Variants in SYT1 observed in about 807,000 individuals in gnomAD.
The protein encoded by SYT1 is synaptotagmin 1.
In SYT1, 8 loss-of-function variants were observed where a neutral mutation model predicts 44.8. The ratio of observed to expected loss-of-function variants is 0.18; its 90% confidence interval spans 0.10 to 0.32. The LOEUF is 0.32. SYT1 is among the 10% of genes least tolerant of loss of function. SYT1 has a pLI of 1.00. For synonymous variants in SYT1, 154 were observed against 188.8 expected, an observed-to-expected ratio of 0.82 and a Z score of 1.51; for missense variants, 286 against 509.3, an observed-to-expected ratio of 0.56 and a Z score of 4.22.
chr12:79,307,776 T>C (rs73351065), intron 8 of SYT1, among the ~76,000 whole-genome samples: 1,615 of 152,338 alleles, frequency 0.011, 31 homozygotes, highest in African/African-American at 0.037. Context: ...ACGGCATGTA[T>C]GACTTGCATG....
At position 78,932,377 on chromosome 12, in the gene SYT1, T is replaced by C. The variant is rs554905412; in HGVS notation, c.-216-45422T>C. Among the ~76,000 whole-genome samples, 3 of 152,304 alleles carry C rather than the reference T, an allele frequency of 2.0e-5. No homozygotes were observed. The East Asian group carries it at 5.8e-4, about 29-fold the overall frequency. On this transcript the variant is annotated intron_variant, in intron 1 of 10. Coordinates refer to ENST00000261205, the MANE Select transcript of SYT1 (RefSeq NM_005639.3). ...CATATAAGTGGGAAATATGTCACTA[T>C]CTTTTACTGGTTTCATAGGATTATA...
intron 3 of SYT1, among the ~76,000 whole-genome samples, chr12:79,078,890 T>C (rs917724611): frequency 2.6e-5 from 4 of 152,220 alleles, no homozygotes; most frequent in African/African-American, 9.6e-5. Flanking sequence ...TGGATACTTA[T>C]GATGTATGGT....
intron 8 of SYT1, among the ~76,000 whole-genome samples, chr12:79,346,635 A>G (rs1320867627): frequency 1.3e-5 from 2 of 152,218 alleles, no homozygotes; most frequent in Non-Finnish European, 2.9e-5. Context: ...TTTTGTTTCT[A>G]GTTTCATGAC....
intron 8 of SYT1, among the ~76,000 whole-genome samples, chr12:79,300,779 T>C (rs913579184): frequency 6.8e-4 from 71 of 105,122 alleles, no homozygotes; most frequent in African/African-American, 2.2e-3. Context: ...ATAATATTCA[T>C]GTATACTTAT....
intron 1 of SYT1, among the ~76,000 whole-genome samples, chr12:78,899,799 C>T (rs947975674): frequency 6.6e-6 from 1 of 151,836 alleles, no homozygotes; most frequent in Admixed American, 6.6e-5. Flanking sequence ...TACTTTTTAT[C>T]AAAACTTTGT....
intron 3 of SYT1, among the ~76,000 whole-genome samples, chr12:79,065,707 C>T (rs1479927977): frequency 5.3e-5 from 8 of 151,952 alleles, no homozygotes; most frequent in African/African-American, 1.7e-4. Flanking sequence ...GAAATCTGAC[C>T]AAAATGTGCT....
At chr12:78,957,647 TC>T (rs1395440729) in intron 1 of SYT1, among the ~76,000 whole-genome samples, 8 of 152,162 alleles carry the variant, frequency 5.3e-5, no homozygotes, top group African/African-American at 1.9e-4. Flanking sequence ...TCTTTGCATT[TC>T]TTTGGGAGTC....
At chr12:78,924,531 CTAAT>C (rs1877193223) in intron 1 of SYT1, among the ~76,000 whole-genome samples, 1 of 150,230 alleles carries the variant, frequency 6.7e-6, no homozygotes. Context: ...TTTTTTCCAC[CTAAT>C]TATTTATTTA....
At chr12:79,241,669 G>T (rs1876521744) in intron 4 of SYT1, among the ~76,000 whole-genome samples, 1 of 152,204 alleles carries the variant, frequency 6.6e-6, no homozygotes, top group African/African-American at 2.4e-5. Flanking sequence ...GAAAAAAAAT[G>T]TATCTGCATT....
At chr12:78,914,319 G>A (rs1728643398) in intron 1 of SYT1, among the ~76,000 whole-genome samples, 1 of 151,778 alleles carries the variant, frequency 6.6e-6, no homozygotes, top group Non-Finnish European at 1.5e-5. Context: ...TGAAGAGTGA[G>A]GTGCATAACT....
rs1049375128 is a variant in SYT1 at position 78,966,287 on chromosome 12, TTTG to T, written c.-216-11509_-216-11507del. Among the ~76,000 whole-genome samples the T allele has an allele frequency of 9.9e-5, 15 of 152,228 alleles. 1 individual carries two copies. The highest frequency in any genetic ancestry group is 3.1e-4 in the African/African-American group (13 of 41,554). ...TTGTATTATTTATTTATTGTATTTA[TTTG>T]TTATTATTTGAATCGTTTATTTGTC... On this transcript the variant is annotated intron_variant, in intron 1 of 10. Transcript: ENST00000261205.
chr12:79,365,649 A>G (rs1883509229), intron 9 of SYT1, among the ~76,000 whole-genome samples: 1 of 152,122 alleles, frequency 6.6e-6, no homozygotes, highest in African/African-American at 2.4e-5. Flanking sequence ...TAATGTTCCT[A>G]AAATTTACTT....
At chr12:79,386,030 C>CT (rs1884421533) in intron 9 of SYT1, among the ~76,000 whole-genome samples, 1 of 152,204 alleles carries the variant, frequency 6.6e-6, no homozygotes, top group Non-Finnish European at 1.5e-5. Context: ...GCTGCAGTCT[C>CT]TAATACTGCT....
intron 9 of SYT1, among the ~76,000 whole-genome samples, chr12:79,384,292 G>C (rs1884339779): frequency 6.6e-6 from 1 of 151,842 alleles, no homozygotes; most frequent in Admixed American, 6.6e-5. Context: ...TGTGTAAAAG[G>C]CTTTATATTT....
At chr12:79,100,037 T>C (rs150326981) in intron 3 of SYT1, among the ~76,000 whole-genome samples, 1,872 of 152,288 alleles carry the variant, frequency 0.012, 21 homozygotes, top group South Asian at 0.032. Flanking sequence ...TTCTTTGAAC[T>C]TTAAAGTAAT....
intron 3 of SYT1, among the ~76,000 whole-genome samples, chr12:79,084,267 C>A (rs529295380): frequency 6.6e-6 from 1 of 152,056 alleles, no homozygotes; most frequent in Non-Finnish European, 1.5e-5. Flanking sequence ...TTGATGGACA[C>A]ATAGTTTATT....
At chr12:79,111,749 A>AG (rs1879024616) in intron 3 of SYT1, among the ~76,000 whole-genome samples, 1 of 151,786 alleles carries the variant, frequency 6.6e-6, no homozygotes, top group Non-Finnish European at 1.5e-5. Context: ...AAAAAAAAAA[A>AG]CTGAGACTCA....
At position 79,148,060 on chromosome 12, in the gene SYT1, G is replaced by A. The variant is rs181945512; in HGVS notation, c.-17-69443G>A. On this transcript the variant is annotated intron_variant, in intron 3 of 10. Coordinates refer to ENST00000261205, the MANE Select transcript of SYT1 (RefSeq NM_005639.3). ...GATTTCTAAGCAAATAAAATCTCAC[G>A]CATCAAAAAGACAAAAAGTTTGTGA... is the stretch of plus-strand genomic sequence containing the variant. 9.1e-4 allele frequency among the ~76,000 whole-genome samples: 138 copies of A among 152,160 alleles called. 1 individual carries two copies. Among genetic ancestry groups the A allele is most frequent in the Admixed American group, 2.7e-3 (42 of 15,294 alleles).
chr12:79,379,933 G>A (rs1884148519), intron 9 of SYT1, among the ~76,000 whole-genome samples: 1 of 152,152 alleles, frequency 6.6e-6, no homozygotes, highest in South Asian at 2.1e-4. Flanking sequence ...ATTTGCTGAA[G>A]GTTACACCCG....
Sources: gnomAD v4.1 joint callset for allele counts (sites outside exome capture counted in the v4.1 genomes callset) on GRCh38, gnomAD v4.1.1 for gene constraint, MANE v1.5 for transcripts, NCBI Gene and HGNC (gene_info 2026-07-23, HGNC 2026-07-21) for gene names.